Variants in NT5C2 observed in about 807,000 individuals in gnomAD.
The protein encoded by NT5C2 is cytosolic purine 5'-nucleotidase.
A neutral mutation model predicts 76.1 loss-of-function variants in NT5C2; 58 were observed. That is an observed-to-expected ratio of 0.76 (90% CI 0.62 to 0.95). NT5C2 has a LOEUF of 0.95. NT5C2 is among the 40% of genes least tolerant of loss of function. The probability of loss-of-function intolerance (pLI) is 0.00; values close to 1 mark genes in which losing one functional copy is unlikely to be tolerated. For synonymous variants in NT5C2, 229 were observed against 237.4 expected (o/e 0.96, Z 0.32); for missense variants, 478 against 690.3 (o/e 0.69, Z 3.45).
intron 18 of NT5C2, 75 bp downstream of exon 18, chr10:103,090,536 G>A: frequency 7.6e-7 from 1 of 1,310,012 alleles, no homozygotes; most frequent in African/African-American, 1.5e-5. Flanking sequence ...ACTATCTCCT[G>A]TGCCATCTCA....
chr10:103,183,780 A>G (rs2091636736), intron 1 of NT5C2, among the ~76,000 whole-genome samples: 1 of 151,998 alleles, frequency 6.6e-6, no homozygotes, highest in Non-Finnish European at 1.5e-5. Context: ...CTGCTATGCT[A>G]TATATCCAAA....
intron 3 of NT5C2, among the ~76,000 whole-genome samples, chr10:103,159,141 G>A (rs2084142036): frequency 6.6e-6 from 1 of 151,988 alleles, no homozygotes; most frequent in Non-Finnish European, 1.5e-5. Context: ...GCTGAGGCAG[G>A]GGGATCACTT....
rs139193814 is a variant in NT5C2 at position 103,162,788 on chromosome 10, A to G, written c.101+12070T>C. Among the ~76,000 whole-genome samples, 166 of 152,332 alleles carry G rather than the reference A, an allele frequency of 1.1e-3. 5 individuals are homozygous for G. The East Asian group carries it at 0.031, about 29-fold the overall frequency. Reference sequence around the variant, plus strand: ...TTATTCTTATTTTTTTCAACTAAAAATTACTATTATTTTATTATTACTAAA... The same window carrying G: ...TTATTCTTATTTTTTTCAACTAAAAGTTACTATTATTTTATTATTACTAAA... On this transcript the variant is annotated intron_variant, in intron 3 of 18. Coordinates refer to ENST00000404739, the MANE Select transcript of NT5C2 (RefSeq NM_001351169.2).
intron 18 of NT5C2, among the ~76,000 whole-genome samples, chr10:103,090,379 G>A (rs910635774): frequency 2.0e-5 from 3 of 152,150 alleles, no homozygotes; most frequent in Non-Finnish European, 2.9e-5. Context: ...ACCATGCCTG[G>A]CCCACATACA....
intron 4 of NT5C2, among the ~76,000 whole-genome samples, chr10:103,130,143 T>C (rs2077829582): frequency 6.6e-6 from 1 of 151,816 alleles, no homozygotes; most frequent in Non-Finnish European, 1.5e-5. Flanking sequence ...GATTGAGAAA[T>C]CGGATGGTTA....
intron 16 of NT5C2, among the ~76,000 whole-genome samples, chr10:103,091,349 C>CTTT (rs749980496): frequency 6.9e-6 from 1 of 145,504 alleles, no homozygotes; most frequent in East Asian, 2.0e-4. Context: ...CTGGAAAGAA[C>CTTT]TTTTTTTTTT....
chr10:103,112,547 A>G (rs2073285019), intron 4 of NT5C2, among the ~76,000 whole-genome samples: 1 of 152,232 alleles, frequency 6.6e-6, no homozygotes, highest in Non-Finnish European at 1.5e-5. Context: ...CTGACACTTT[A>G]AAGATATGCA....
Position 103,166,222 on chromosome 10 carries a change from T to C in NT5C2, c.101+8636A>G, listed in dbSNP as rs563372799. Among the ~76,000 whole-genome samples the C allele has an allele frequency of 2.0e-5, 3 of 152,192 alleles. No homozygotes were observed. In the South Asian group the frequency reaches 6.2e-4, roughly 32 times the overall value. ...AGATTAATATATTTACCACTAGAGT[T>C]AGACACAAGAGTTTCCTCATAAGGT... On this transcript the variant is annotated intron_variant, in intron 3 of 18. Coordinates refer to ENST00000404739, the MANE Select transcript of NT5C2 (RefSeq NM_001351169.2).
chr10:103,171,425 T>C (rs1261045028), intron 3 of NT5C2, among the ~76,000 whole-genome samples: 1 of 152,210 alleles, frequency 6.6e-6, no homozygotes, highest in Non-Finnish European at 1.5e-5. Flanking sequence ...TCCAGTAAGA[T>C]TTCAAAGTAA....
intron 3 of NT5C2, among the ~76,000 whole-genome samples, chr10:103,171,406 A>T (rs2087957577): frequency 6.6e-6 from 1 of 152,246 alleles, no homozygotes; most frequent in Non-Finnish European, 1.5e-5. Flanking sequence ...AAACCAGTTT[A>T]GCCACTTTTC....
At chr10:103,156,146 G>T (rs1053819437) in intron 3 of NT5C2, among the ~76,000 whole-genome samples, 1 of 151,862 alleles carries the variant, frequency 6.6e-6, no homozygotes, top group Non-Finnish European at 1.5e-5. Context: ...GAGCAACAGA[G>T]TGAGACTCCA....
intron 4 of NT5C2, among the ~76,000 whole-genome samples, chr10:103,124,671 T>C (rs1187385707): frequency 6.6e-6 from 1 of 151,676 alleles, no homozygotes; most frequent in East Asian, 1.9e-4. Flanking sequence ...TTAAAAAAAT[T>C]AAATGAAGAA....
At chr10:103,133,423 A>C (rs1285323994) in intron 4 of NT5C2, among the ~76,000 whole-genome samples, 1 of 152,080 alleles carries the variant, frequency 6.6e-6, no homozygotes, top group East Asian at 1.9e-4. Context: ...CACTGCACCC[A>C]GCTAATTTTG....
At chr10:103,091,054 T>TAAGA in intron 16 of NT5C2, 58 bp from the exon 17 acceptor site, 1 of 1,463,982 alleles carries the variant, frequency 6.8e-7, no homozygotes, top group Non-Finnish European at 9.5e-7. Flanking sequence ...TTTTATTCTT[T>TAAGA]AAGACAGTCT....
chr10:103,131,127 G>A (rs1046699391), intron 4 of NT5C2, among the ~76,000 whole-genome samples: 9 of 152,112 alleles, frequency 5.9e-5, no homozygotes, highest in Admixed American at 5.9e-4. Context: ...TCCAAAACAC[G>A]ACTTTGAGAT....
intron 3 of NT5C2, among the ~76,000 whole-genome samples, chr10:103,163,874 A>AC (rs2085632738): frequency 6.6e-6 from 1 of 150,508 alleles, no homozygotes; most frequent in Non-Finnish European, 1.5e-5. Flanking sequence ...AAAAAAACAA[A>AC]AAAAAAAAAA....
rs1051768686 is a variant in NT5C2 at position 103,146,174 on chromosome 10, C to T, written c.102-6695G>A. Reference sequence around the variant, plus strand: ...TCAAGAAGTTTAACCTGAATCAGGCCCCTCAAAAGCATGTATCTTCCGAGA... The same window carrying T: ...TCAAGAAGTTTAACCTGAATCAGGCTCCTCAAAAGCATGTATCTTCCGAGA... On this transcript the variant is annotated intron_variant, in intron 3 of 18. Coordinates refer to ENST00000404739, the MANE Select transcript of NT5C2 (RefSeq NM_001351169.2). 6 of 985,184 alleles carry T rather than the reference C, an allele frequency of 6.1e-6. No homozygotes were observed. In the African/African-American group the frequency reaches 1.0e-4, roughly 17 times the overall value. The allele number at this position is 985,184 out of a possible 1,614,324, so 61.0% of individuals were successfully genotyped here.
In NT5C2 at chr10:103,157,628, A is replaced by G. The variant is rs79224738; in HGVS notation, c.101+17230T>C. ...TCTTTAGAATATGCCACTCAACATC[A>G]GCAGAATACACATTCTTGTCAAAAG... is the stretch of plus-strand genomic sequence containing the variant. On this transcript the variant is annotated intron_variant, in intron 3 of 18. Transcript: ENST00000404739. 4.1e-3 allele frequency among the ~76,000 whole-genome samples: 622 copies of G among 152,364 alleles called. 20 individuals carry two copies. In the East Asian group the frequency reaches 0.073, roughly 18 times the overall value.
intron 4 of NT5C2, chr10:103,125,242 G>T: frequency 2.6e-6 from 2 of 755,048 alleles, no homozygotes; most frequent in Non-Finnish European, 4.5e-6. Flanking sequence ...TCCCAGCTCT[G>T]TGATCATCAA....
Sources: gnomAD v4.1 joint callset for allele counts (sites outside exome capture counted in the v4.1 genomes callset) on GRCh38, gnomAD v4.1.1 for gene constraint, MANE v1.5 for transcripts, NCBI Gene and HGNC (gene_info 2026-07-23, HGNC 2026-07-21) for gene names.